NLRP4: variants seen among roughly 807,000 people sequenced by gnomAD.
NLRP4 encodes the protein NACHT, LRR and PYD domains-containing protein 4.
In NLRP4, 44 loss-of-function variants were observed where a neutral mutation model predicts 84.7. The ratio of observed to expected loss-of-function variants is 0.52; its 90% CI spans 0.41 to 0.67. The LOEUF is 0.67. NLRP4 is among the 30% of genes least tolerant of loss of function. The pLI, the probability that NLRP4 is intolerant of heterozygous loss-of-function variation, is 0.00. For synonymous variants in NLRP4, 544 were observed against 476.4 expected (o/e 1.14, Z -1.85); for missense variants, 1,260 against 1,219.4 (o/e 1.03, Z -0.50).
In NLRP4 at chr19:55,877,136, C is replaced by T. The variant is rs753705551; in HGVS notation, c.2666C>T (p.Thr889Met). 42 of 1,613,872 alleles carry T rather than the reference C, an allele frequency of 2.6e-5. No homozygotes were observed. The highest frequency in any genetic ancestry group is 6.7e-5 in the African/African-American group (5 of 74,914). Residue 889 changes from threonine (T) to methionine (M), a missense_variant, in exon 8 of 10, where the codon ACG becomes ATG. This residue lies in a region of NLRP4 where 544 missense variants were observed against 531.7 expected (regional missense o/e 1.02). Transcript: ENST00000301295. ...VGVQLLCRAL[T>M]HTDCRLEILG... is the part of the protein sequence containing the mutation. ...GTGCAGCTGTTGTGTCGGGCTCTGA[C>T]GCATACGGATTGCCGCTTAGAGATT...
chr19:55,852,673 C>T (rs568841307), intron 2 of NLRP4, among the ~76,000 whole-genome samples: 58 of 152,156 alleles, frequency 3.8e-4, no homozygotes, highest in African/African-American at 1.3e-3. Context: ...GATGGGGTTT[C>T]ACCATGTTGG....
intron 5 of NLRP4, 144 bp downstream of exon 5, chr19:55,862,303 A>G (rs1984795138): frequency 5.2e-6 from 2 of 385,038 alleles, no homozygotes; most frequent in Admixed American, 4.9e-5. Flanking sequence ...TGGGTTTCAG[A>G]GAAGACTATA....
chr19:55,851,911 T>C (rs908062527), intron 1 of NLRP4, 105 bp from the exon 2 acceptor site: 10 of 574,018 alleles, frequency 1.7e-5, no homozygotes, highest in Non-Finnish European at 3.0e-5. Context: ...ATTAAATAAC[T>C]TTCCGCCTTC....
intron 1 of NLRP4, among the ~76,000 whole-genome samples, 193 bp downstream of exon 1, chr19:55,837,127 A>C (rs8113235): frequency 0.21 from 32,028 of 152,120 alleles, 4,772 homozygotes; most frequent in African/African-American, 0.42. Context: ...GTACATGTAT[A>C]CGTATCATTA....
chr19:55,845,491 G>T lies in NLRP4; in HGVS notation c.-65-6525G>T, dbSNP rs867557000. Among the ~76,000 whole-genome samples, 19 of 152,050 alleles carry T rather than the reference G, an allele frequency of 1.2e-4. No homozygotes were observed. In the South Asian group the frequency reaches 1.9e-3, roughly 15 times the overall value. On this transcript the variant is annotated intron_variant, in intron 1 of 9. Coordinates refer to ENST00000301295, the MANE Select transcript of NLRP4 (RefSeq NM_134444.5). ...GAATAGTGCTGCAATAAACATACGT[G>T]TGCATGTGTCTTTATAGCAGCATGA...
intron 7 of NLRP4, among the ~76,000 whole-genome samples, chr19:55,875,813 G>C (rs774302081): frequency 3.3e-5 from 5 of 151,852 alleles, no homozygotes; most frequent in African/African-American, 4.8e-5. Context: ...TGGATCACCT[G>C]AGGTCAGGAG....
At chr19:55,872,480 C>G (rs1478652241) in intron 7 of NLRP4, among the ~76,000 whole-genome samples, 1 of 152,044 alleles carries the variant, frequency 6.6e-6, no homozygotes, top group Non-Finnish European at 1.5e-5. Flanking sequence ...ATTATACTTA[C>G]TATGTTTACA....
Position 55,852,042 on chromosome 19 carries a change from A to C in NLRP4, c.-39A>C, listed in dbSNP as rs759521604. 5.4e-6 allele frequency: 8 copies of C among 1,479,444 alleles called. No individual in the cohort carries two copies. The East Asian group carries it at 1.8e-4, about 34-fold the overall frequency. The allele number at this position is 1,479,444 out of a possible 1,614,324, so 91.6% of individuals were successfully genotyped here. Reference sequence around the variant, plus strand: ...TTTTATTTATTTATTGTTCCTGGTCACTGTCTCTTTGAGGATTGGTATCTC... The same window carrying C: ...TTTTATTTATTTATTGTTCCTGGTCCCTGTCTCTTTGAGGATTGGTATCTC... On this transcript the variant is annotated 5_prime_UTR_variant, in exon 2 of 10. Coordinates refer to ENST00000301295, the MANE Select transcript of NLRP4 (RefSeq NM_134444.5).
rs766925904 is a variant in NLRP4 at position 55,857,769 on chromosome 19, GA to G, written c.378del (p.Val127SerfsTer25). On this transcript the variant is annotated frameshift_variant, in exon 3 of 10. Coordinates refer to ENST00000301295, the MANE Select transcript of NLRP4 (RefSeq NM_134444.5). LOFTEE classifies it high-confidence loss of function. Reference sequence around the variant, plus strand: ...TGAGATTCACCTATACTTTGAGGAGGAAGTCAAGCAAGAAGAATGTGACCAT... The same window carrying G: ...TGAGATTCACCTATACTTTGAGGAGGAGTCAAGCAAGAAGAATGTGACCAT... ...VTEIHLYFEE[E>X]VKQEECDHLD... The G allele has an allele frequency of 6.2e-7, 1 of 1,613,976 alleles. No homozygotes were observed.
intron 1 of NLRP4, among the ~76,000 whole-genome samples, chr19:55,850,096 T>C (rs1298575691): frequency 3.7e-5 from 5 of 133,946 alleles, no homozygotes; most frequent in East Asian, 4.2e-4. Context: ...TTTCCGTGGC[T>C]GCGGTGTAAT....
chr19:55,881,383 C>T, intron 9 of NLRP4, 87 bp from the exon 10 acceptor site: 1 of 713,770 alleles, frequency 1.4e-6, no homozygotes, highest in Non-Finnish European at 2.4e-6. Context: ...TAGGCTTGTC[C>T]TGGGATGAAT....
intron 6 of NLRP4, among the ~76,000 whole-genome samples, chr19:55,870,390 G>A (rs1359462795): frequency 6.6e-6 from 1 of 152,162 alleles, no homozygotes; most frequent in African/African-American, 2.4e-5. Flanking sequence ...GGCCGGACGC[G>A]GTGGCTCACG....
chr19:55,872,986 G>A (rs1985244360), intron 7 of NLRP4, among the ~76,000 whole-genome samples: 1 of 152,150 alleles, frequency 6.6e-6, no homozygotes, highest in African/African-American at 2.4e-5. Context: ...AAACCAGAGG[G>A]CAGTACAGTG....
At position 55,858,830 on chromosome 19, in the gene NLRP4, T is replaced by C; in HGVS notation, c.1437T>C (p.Cys479=). 1 of 1,614,060 alleles carries C rather than the reference T, an allele frequency of 6.2e-7. No individual in the cohort carries two copies. Among genetic ancestry groups the C allele is most frequent in the South Asian group, 1.1e-5 (1 of 91,078 alleles). Residue 479 remains cysteine (C), a synonymous_variant, in exon 3 of 10, where the codon TGT becomes TGC. Coordinates refer to ENST00000301295, the MANE Select transcript of NLRP4 (RefSeq NM_134444.5). This position sits in a 1 kb window ranked among gnomAD's most constrained non-coding sequence, Gnocchi z 4.2. The part of the protein sequence containing the change: ...HLDHPHPAVR[C]VQELLVANFE... ...ATCATCCTCACCCAGCTGTGAGATG[T>C]GTACAGGAATTGCTAGTTGCCAATT...
At chr19:55,868,424 C>T (rs1478289582) in intron 6 of NLRP4, among the ~76,000 whole-genome samples, 1 of 151,668 alleles carries the variant, frequency 6.6e-6, no homozygotes, top group Admixed American at 6.6e-5. Context: ...ATTGATTTAC[C>T]TATTAATGGA....
At chr19:55,839,723 C>G (rs1326749780) in intron 1 of NLRP4, among the ~76,000 whole-genome samples, 1 of 152,204 alleles carries the variant, frequency 6.6e-6, no homozygotes, top group Middle Eastern at 3.4e-3. Flanking sequence ...AAAGAATCTA[C>G]TTTTGACAGA....
intron 4 of NLRP4, among the ~76,000 whole-genome samples, 199 bp from the exon 5 acceptor site, chr19:55,861,793 A>G (rs1348962920): frequency 6.6e-6 from 1 of 152,136 alleles, no homozygotes; most frequent in Non-Finnish European, 1.5e-5. Context: ...CCCCTTGTCC[A>G]GATAACCAAA....
At chr19:55,868,761 G>T (rs114830557) in intron 6 of NLRP4, among the ~76,000 whole-genome samples, 4,927 of 152,230 alleles carry the variant, frequency 0.032, 183 homozygotes, top group Middle Eastern at 0.12. Flanking sequence ...ATCACTGGAA[G>T]AAATAGTATT....
Position 55,857,932 on chromosome 19 carries a change from A to T in NLRP4, c.539A>T (p.Asp180Val), listed in dbSNP as rs2123032509. ...MAWSDNKIFR[D>V]RFLYTFYFCC... is the part of the protein sequence containing the mutation. Reference sequence around the variant, plus strand: ...TGGTCGGACAACAAGATCTTTCGGGATAGGTTCCTGTACACGTTCTATTTC... The same window carrying T: ...TGGTCGGACAACAAGATCTTTCGGGTTAGGTTCCTGTACACGTTCTATTTC... Residue 180 changes from aspartate (D) to valine (V), a missense_variant, in exon 3 of 10, where the codon GAT becomes GTT. Physicochemically the swap from Asp to Val is radical, Grantham distance 152. Around this residue, in one of 3 missense-constraint regions of NLRP4, gnomAD observed 712 missense variants for 669.2 expected, o/e 1.06. Coordinates refer to ENST00000301295, the MANE Select transcript of NLRP4 (RefSeq NM_134444.5). 1 of 1,614,154 alleles carries T rather than the reference A, an allele frequency of 6.2e-7. No individual in the cohort carries two copies.
Sources: gnomAD v4.1 joint callset for allele counts (sites outside exome capture counted in the v4.1 genomes callset) on GRCh38, gnomAD v4.1.1 for gene constraint, gnomAD v4.1.1 regional missense constraint, Gnocchi (gnomAD v3.1) non-coding constraint, MANE v1.5 for transcripts, NCBI Gene and HGNC (gene_info 2026-07-23, HGNC 2026-07-21) for gene names.